The following MITF variants were observed in gnomAD, a reference collection of about 807,000 sequenced individuals.
The protein encoded by MITF is microphthalmia-associated transcription factor.
A neutral mutation model predicts 60.5 loss-of-function variants in MITF; 17 were observed. The observed-to-expected ratio is 0.28, with a 90% confidence interval of 0.19 to 0.42. The LOEUF (loss-of-function observed/expected upper bound fraction) is 0.42, where lower values mean the gene tolerates loss of function less well. MITF is among the 10% of genes least tolerant of loss of function. MITF has a pLI of 1.00. For missense variants in MITF, 622 were observed against 683.5 expected, an observed-to-expected ratio of 0.91 and a Z score of 1.00; for synonymous variants, 260 against 248.5, an observed-to-expected ratio of 1.05 and a Z score of -0.43.
chr3:69,842,712 A>T (rs111525780), intron 1 of MITF, among the ~76,000 whole-genome samples: 2,052 of 151,928 alleles, frequency 0.014, 46 homozygotes, highest in African/African-American at 0.046. Context: ...ACTGTGTAAC[A>T]AATTTGCATT....
chr3:69,888,147 C>T (rs1297438588), intron 2 of MITF, among the ~76,000 whole-genome samples: 1 of 152,046 alleles, frequency 6.6e-6, no homozygotes, highest in African/African-American at 2.4e-5. Flanking sequence ...GTAATCTCCC[C>T]TGTTGGGCCT....
intron 1 of MITF, among the ~76,000 whole-genome samples, chr3:69,816,882 A>G (rs1443113930): frequency 1.3e-5 from 2 of 152,256 alleles, no homozygotes; most frequent in East Asian, 3.9e-4. Context: ...TGTTACATAG[A>G]AAAAAATGCT....
At chr3:69,927,067 A>T (rs923535440) in intron 2 of MITF, among the ~76,000 whole-genome samples, 1 of 152,262 alleles carries the variant, frequency 6.6e-6, no homozygotes, top group African/African-American at 2.4e-5. Context: ...ATCACTGAGA[A>T]TTTATCGCTC....
chr3:69,938,109 A>G, intron 3 of MITF, 60 bp downstream of exon 3: 1 of 1,536,386 alleles, frequency 6.5e-7, no homozygotes, highest in Non-Finnish European at 9.0e-7. Flanking sequence ...TCTGTTGAAT[A>G]TGATTCCCAC....
chr3:69,879,909 C>T (rs2064445574), intron 2 of MITF, among the ~76,000 whole-genome samples: 1 of 152,124 alleles, frequency 6.6e-6, no homozygotes, highest in Non-Finnish European at 1.5e-5. Flanking sequence ...CTTTGGGTCT[C>T]TTTGATTTCT....
intron 2 of MITF, among the ~76,000 whole-genome samples, chr3:69,883,568 G>A (rs368690027): frequency 4.6e-5 from 7 of 152,276 alleles, no homozygotes; most frequent in African/African-American, 1.7e-4. Context: ...TGTGTGTGGA[G>A]TTACAGGTGG....
intron 2 of MITF, chr3:69,937,077 G>A: frequency 4.1e-6 from 1 of 244,496 alleles, no homozygotes; most frequent in Non-Finnish European, 7.8e-6. Flanking sequence ...TGTTTTTTGG[G>A]GAAAAGTATT....
chr3:69,948,221 G>A (rs2066149011), intron 5 of MITF, among the ~76,000 whole-genome samples: 1 of 152,086 alleles, frequency 6.6e-6, no homozygotes, highest in South Asian at 2.1e-4. Flanking sequence ...TTCAGGGCAT[G>A]GGAAGGGAGA....
At chr3:69,746,752 G>A (rs550657721) in intron 1 of MITF, among the ~76,000 whole-genome samples, 3 of 152,276 alleles carry the variant, frequency 2.0e-5, no homozygotes, top group Non-Finnish European at 2.9e-5. Flanking sequence ...TGTGTACTCC[G>A]AGGATAGGAA....
chr3:69,810,937 C>G (rs1394258483), intron 1 of MITF, among the ~76,000 whole-genome samples: 1 of 152,170 alleles, frequency 6.6e-6, no homozygotes, highest in Non-Finnish European at 1.5e-5. Context: ...ACTTTGAGAT[C>G]TAAAATATAT....
chr3:69,832,416 T>C (rs9829056), intron 1 of MITF, among the ~76,000 whole-genome samples: 76,101 of 152,110 alleles, frequency 0.5, 20,757 homozygotes, highest in Non-Finnish European at 0.63. Flanking sequence ...CTACTATGTG[T>C]TAGACCTTGG....
At chr3:69,781,857 G>A (rs1304714115) in intron 1 of MITF, among the ~76,000 whole-genome samples, 1 of 152,246 alleles carries the variant, frequency 6.6e-6, no homozygotes, top group South Asian at 2.1e-4. Context: ...ATCTCTTGTC[G>A]AAGGCTTGGC....
chr3:69,875,268 A>T (rs889615530), intron 1 of MITF, among the ~76,000 whole-genome samples: 1 of 152,172 alleles, frequency 6.6e-6, no homozygotes, highest in Non-Finnish European at 1.5e-5. Flanking sequence ...ATGCCAGTAA[A>T]GGCATTTGTC....
At chr3:69,786,409 T>G (rs912154179) in intron 1 of MITF, among the ~76,000 whole-genome samples, 1 of 152,196 alleles carries the variant, frequency 6.6e-6, no homozygotes, top group Admixed American at 6.5e-5. Flanking sequence ...GGTAAGACGC[T>G]TTTGAAGTTC....
At chr3:69,776,847 A>G (rs914302257) in intron 1 of MITF, among the ~76,000 whole-genome samples, 4 of 152,202 alleles carry the variant, frequency 2.6e-5, no homozygotes, top group African/African-American at 4.8e-5. Flanking sequence ...TACCATTACT[A>G]TGATTATTTC....
intron 1 of MITF, among the ~76,000 whole-genome samples, chr3:69,833,062 T>C (rs2063476843): frequency 6.6e-6 from 1 of 152,270 alleles, no homozygotes; most frequent in Non-Finnish European, 1.5e-5. Flanking sequence ...TGTGATTGTT[T>C]TTCTATTTAT....
chr3:69,799,916 TTCAG>T (rs1235103557), intron 1 of MITF, among the ~76,000 whole-genome samples: 1 of 152,210 alleles, frequency 6.6e-6, no homozygotes, highest in Non-Finnish European at 1.5e-5. Flanking sequence ...TTTAGTGTTT[TTCAG>T]TCTCTATGTT....
chr3:69,966,803 T>C lies in MITF; in HGVS notation c.*1555T>C. On this transcript the variant is annotated 3_prime_UTR_variant, in exon 10 of 10. Coordinates refer to ENST00000352241, the MANE Select transcript of MITF (RefSeq NM_001354604.2). ...TAGCAGCCTACAACTGAATAGCAAG[T>C]GGCATAAAGCATATCCATTCAGAAT... 4.3e-6 allele frequency: 1 copy of C among 232,866 alleles called. No homozygotes were observed. Among genetic ancestry groups the C allele is most frequent in the Middle Eastern group, 1.3e-3 (1 of 776 alleles). 14.4% of individuals were successfully genotyped at this position (232,866 alleles called of 1,614,324 possible).
At chr3:69,959,177 T>C in intron 8 of MITF, 96 bp from the exon 9 acceptor site, 1 of 1,450,854 alleles carries the variant, frequency 6.9e-7, no homozygotes, top group Non-Finnish European at 9.3e-7. Flanking sequence ...AAAAAAAATT[T>C]TAAAAAGTTC....
Sources: gnomAD v4.1 joint callset for allele counts (sites outside exome capture counted in the v4.1 genomes callset) on GRCh38, gnomAD v4.1.1 for gene constraint, MANE v1.5 for transcripts, NCBI Gene and HGNC (gene_info 2026-07-23, HGNC 2026-07-21) for gene names.